The following GBP2 variants were observed in gnomAD, a reference collection of about 807,000 sequenced individuals.
GBP2 encodes the protein guanylate binding protein 2.
Under a neutral mutation model 60.8 loss-of-function variants are expected in GBP2, and 54 were observed. That is an observed-to-expected ratio of 0.89 (90% CI 0.71 to 1.11). The LOEUF is 1.11. GBP2 is among the 50% of genes most tolerant of loss of function. The probability of loss-of-function intolerance (pLI) is 0.00; values close to 1 mark genes in which losing one functional copy is unlikely to be tolerated. For synonymous variants in GBP2, 243 were observed against 256.5 expected, an observed-to-expected ratio of 0.95 and a Z score of 0.50; for missense variants, 665 against 703.3, an observed-to-expected ratio of 0.95 and a Z score of 0.62.
At chr1:89,113,791 T>C (rs1228820686) in intron 7 of GBP2, among the ~76,000 whole-genome samples, 1 of 152,210 alleles carries the variant, frequency 6.6e-6, no homozygotes, top group Non-Finnish European at 1.5e-5. Flanking sequence ...ACTTACTTTC[T>C]TAAAATATGG....
At position 89,119,856 on chromosome 1, in the gene GBP2, G is replaced by A. The variant is rs544643891; in HGVS notation, c.428+323C>T. On this transcript the variant is annotated intron_variant, in intron 4 of 10. Transcript: ENST00000370466. The stretch of plus-strand genomic sequence containing the variant: ...TATCATTTAGAAGGCAACACTTAGA[G>A]CAGATGATAAGAATATAGAGAGTTG... The A allele has an allele frequency of 1.2e-5, 3 of 251,844 alleles. No individual in the cohort carries two copies. The South Asian group carries it at 1.6e-4, about 13-fold the overall frequency. 15.6% of individuals were successfully genotyped at this position (251,844 alleles called of 1,614,324 possible).
At chr1:89,117,972 C>T (rs1299521415) in intron 4 of GBP2, 199 bp from the exon 5 acceptor site, 8 of 487,018 alleles carry the variant, frequency 1.6e-5, no homozygotes, top group African/African-American at 5.9e-5. Context: ...GGACTAAGAA[C>T]GCTGTAATGA....
intron 4 of GBP2, chr1:89,119,329 A>T (rs1212829293): frequency 6.6e-6 from 1 of 152,198 alleles, no homozygotes; most frequent in Non-Finnish European, 1.5e-5. Flanking sequence ...ACTGTGCATT[A>T]CATATAGGAA....
At position 89,109,714 on chromosome 1, in the gene GBP2, A is replaced by G. The variant is rs1463166379; in HGVS notation, c.1622T>C (p.Met541Thr). 1.2e-6 allele frequency: 2 copies of G among 1,613,986 alleles called. No individual in the cohort carries two copies. Among genetic ancestry groups the G allele is most frequent in the African/African-American group, 1.3e-5 (1 of 74,938 alleles). Residue 541 changes from methionine to threonine, a missense_variant, in exon 10 of 11, where the codon ATG becomes ACG. Coordinates refer to ENST00000370466, the MANE Select transcript of GBP2 (RefSeq NM_004120.5). ...AGCGAGGGTCTTCTCTTGCTCTGCC[A>G]TTAACTGGGCCCTGTCCCTCTCCAT... ...EKMERDRAQLMAEQEKTLALK... is the reference protein window; with the variant it reads ...EKMERDRAQLTAEQEKTLALK...
intron 1 of GBP2, among the ~76,000 whole-genome samples, chr1:89,124,667 T>C (rs1007064515): frequency 6.6e-6 from 1 of 152,228 alleles, no homozygotes; most frequent in African/African-American, 2.4e-5. Flanking sequence ...CAGTGGCTTC[T>C]TCCTATCACT....
At chr1:89,110,106 T>A (rs1570315792) in intron 9 of GBP2, 58 bp downstream of exon 9, 1 of 1,257,120 alleles carries the variant, frequency 8.0e-7, no homozygotes, top group Admixed American at 1.9e-5. Flanking sequence ...GGACCAATAT[T>A]GCTAACTAAC....
intron 6 of GBP2, among the ~76,000 whole-genome samples, chr1:89,115,973 T>C (rs552667229): frequency 3.0e-4 from 45 of 152,064 alleles, no homozygotes; most frequent in Middle Eastern, 3.4e-3. Context: ...GCTATAAAGC[T>C]ATTCCTCTAT....
chr1:89,109,826 A>G lies in GBP2; in HGVS notation c.1510T>C (p.Leu504=). Residue 504 remains leucine (L), a synonymous_variant, in exon 10 of 11, where the codon TTG becomes CTG. Transcript: ENST00000370466. ...TCATTCTTCTTTTGTATTTCCTCCA[A>G]CATTTTCTTTGCAGCTTCTGCAGAT... ...AESAEAAKKM[L]EEIQKKNEEM... is the part of the protein sequence containing the mutation. 6.2e-7 allele frequency: 1 copy of G among 1,613,974 alleles called. No homozygotes were observed. The highest frequency in any genetic ancestry group is 8.5e-7 in the Non-Finnish European group (1 of 1,180,008).
At chr1:89,112,985 A>G (rs1018942647) in intron 7 of GBP2, 3 of 372,422 alleles carry the variant, frequency 8.1e-6, no homozygotes, top group Non-Finnish European at 1.5e-5. Context: ...CTCTCATTTC[A>G]GGAATAGTTC....
Position 89,117,776 on chromosome 1 carries a change from G to A in GBP2, c.429-3C>T. 6.3e-7 allele frequency: 1 copy of A among 1,591,830 alleles called. No individual in the cohort carries two copies. On this transcript the variant is annotated splice_polypyrimidine_tract_variant and splice_region_variant and intron_variant, in intron 4 of 10. Transcript: ENST00000370466. The stretch of plus-strand genomic sequence containing the variant: ...GATCTGTCAGCTCTGTCACATAGCT[G>A]AGATGCTAAATTAAGAAAACTACAG...
chr1:89,117,412 A>C (rs901534140), intron 5 of GBP2, among the ~76,000 whole-genome samples, 165 bp downstream of exon 5: 1 of 152,244 alleles, frequency 6.6e-6, no homozygotes, highest in Non-Finnish European at 1.5e-5. Context: ...AATGCAATTT[A>C]AAATTGGTTC....
chr1:89,109,789 T>C lies in GBP2; in HGVS notation c.1547A>G (p.Glu516Gly), dbSNP rs1387108713. 1.9e-6 allele frequency: 3 copies of C among 1,614,062 alleles called. No individual in the cohort carries two copies. In the African/African-American group the frequency reaches 4.0e-5, roughly 22 times the overall value. The change falls in exon 10 of 11, where the codon GAA (glutamate) becomes GGA (glycine). Residue 516 changes from glutamate (E) to glycine (G), a missense_variant. Coordinates refer to ENST00000370466, the MANE Select transcript of GBP2 (RefSeq NM_004120.5). ...EIQKKNEEMM[E>G]QKEKSYQEHV... Reference sequence around the variant, plus strand: ...TTCCTGATAACTCTTCTCTTTCTGTTCCATCATCTCCTCATTCTTCTTTTG... The same window carrying C: ...TTCCTGATAACTCTTCTCTTTCTGTCCCATCATCTCCTCATTCTTCTTTTG...
rs1681086388 is a variant in GBP2 at position 89,107,980 on chromosome 1, A to G, written c.*195T>C. On this transcript the variant is annotated 3_prime_UTR_variant, in exon 11 of 11. Transcript: ENST00000370466. ...AAAGTTAGTACTATAAATAAGCATG[A>G]GTTGAATTGCTCTGTAGGTAAAACA... 2 of 463,316 alleles carry G rather than the reference A, an allele frequency of 4.3e-6. No individual in the cohort carries two copies. Among genetic ancestry groups the G allele is most frequent in the Non-Finnish European group, 7.7e-6 (2 of 259,168 alleles). The allele number at this position is 463,316 out of a possible 1,614,324, so 28.7% of individuals were successfully genotyped here.
At chr1:89,124,696 G>C (rs978421733) in intron 1 of GBP2, among the ~76,000 whole-genome samples, 2 of 152,200 alleles carry the variant, frequency 1.3e-5, no homozygotes, top group Non-Finnish European at 2.9e-5. Flanking sequence ...AGCCCTTTGA[G>C]CTACCACAGG....
intron 4 of GBP2, chr1:89,119,686 G>T (rs1247209318): frequency 2.6e-5 from 4 of 152,698 alleles, no homozygotes; most frequent in Admixed American, 6.5e-5. Context: ...ATGAGAAAGT[G>T]TCCAGAACTC....
chr1:89,121,691 A>G lies in GBP2; in HGVS notation c.190+86T>C, dbSNP rs1052385755. The G allele has an allele frequency of 2.9e-6, 4 of 1,397,678 alleles. No individual in the cohort carries two copies. In the African/African-American group the frequency reaches 5.7e-5, roughly 20 times the overall value. 86.6% of individuals were successfully genotyped at this position (1,397,678 alleles called of 1,614,324 possible). ...AAGTTAGCTTTCAACATTCATTCTC[A>G]TCTCTTTCTATGCTCACATCCCTAA... On this transcript the variant is annotated intron_variant, in intron 2 of 10. Transcript: ENST00000370466.
chr1:89,121,726 T>C (rs749587387), intron 2 of GBP2, 51 bp downstream of exon 2: 7 of 1,568,046 alleles, frequency 4.5e-6, no homozygotes, highest in Non-Finnish European at 4.4e-6. Flanking sequence ...AGCTGGATGT[T>C]CGCCGTGTGT....
chr1:89,121,090 A>C (rs115893179), intron 3 of GBP2, 53 bp downstream of exon 3: 35,041 of 1,462,628 alleles, frequency 0.024, 532 homozygotes, highest in Middle Eastern at 0.066. Flanking sequence ...GACCTGGTTT[A>C]TGTAGATTTT....
chr1:89,110,508 C>A (rs1162593021), intron 8 of GBP2, among the ~76,000 whole-genome samples: 1 of 152,118 alleles, frequency 6.6e-6, no homozygotes, highest in Non-Finnish European at 1.5e-5. Flanking sequence ...TACCCCCCCA[C>A]ACACACCATG....
Sources: allele counts gnomAD v4.1 joint callset (sites outside exome capture counted in the v4.1 genomes callset), GRCh38; gene constraint gnomAD v4.1.1; transcripts MANE v1.5; gene names NCBI Gene and HGNC (gene_info 2026-07-23, HGNC 2026-07-21).